Variants in RYR1 observed in about 807,000 individuals in gnomAD.
The protein encoded by RYR1 is ryanodine receptor 1.
A neutral mutation model predicts 583.5 loss-of-function variants in RYR1; 342 were observed. The observed-to-expected ratio is 0.59, with a 90% CI of 0.54 to 0.64. The LOEUF (loss-of-function observed/expected upper bound fraction) is 0.64. Among genes scored for constraint, RYR1 ranks in the 30% least tolerant of loss-of-function variants. The probability of loss-of-function intolerance (pLI) is 0.00; values close to 1 mark genes in which losing one functional copy is unlikely to be tolerated. For synonymous variants in RYR1, 2,791 were observed against 2,822.5 expected (o/e 0.99, Z 0.35); for missense variants, 6,032 against 6,917.2 (o/e 0.87, Z 4.54).
chr19:38,577,008 C>T (rs1973985154), intron 97 of RYR1, among the ~76,000 whole-genome samples: 1 of 152,054 alleles, frequency 6.6e-6, no homozygotes, highest in South Asian at 2.1e-4. Flanking sequence ...GCCTCAGCCT[C>T]CCGAGTAGCT....
At chr19:38,463,669 G>T (rs917346720) in intron 21 of RYR1, 78 bp from the exon 22 acceptor site, 12 of 1,501,502 alleles carry the variant, frequency 8.0e-6, no homozygotes, top group Non-Finnish European at 1.1e-5. Context: ...AGGGTTGGAG[G>T]TCAGGGGTCA....
At chr19:38,464,911 G>A (rs1600707050) in intron 23 of RYR1, among the ~76,000 whole-genome samples, 189 bp downstream of exon 23, 1 of 151,984 alleles carries the variant, frequency 6.6e-6, no homozygotes, top group African/African-American at 2.4e-5. Flanking sequence ...GAGGAGTTAG[G>A]AGTTTCAGAG....
Position 38,561,472 on chromosome 19 carries a change from C to T in RYR1, c.12624+18C>T, listed in dbSNP as rs1463812411. On this transcript the variant is annotated intron_variant, in intron 90 of 105. Coordinates refer to ENST00000359596, the MANE Select transcript of RYR1 (RefSeq NM_000540.3). This position sits in a 1 kb window ranked among gnomAD's most constrained non-coding sequence, Gnocchi z 4.8. The stretch of plus-strand genomic sequence containing the variant: ...TGCCCCAGGTCAGGGAACCCGCGCG[C>T]GTGCAAGCTCGCCTCCTGGGGCTTC... The T allele has an allele frequency of 1.9e-6, 3 of 1,597,112 alleles. No homozygotes were observed. The highest frequency in any genetic ancestry group is 2.2e-5 in the East Asian group (1 of 44,740).
chr19:38,534,115 A>C (rs1438929444), intron 78 of RYR1, among the ~76,000 whole-genome samples: 2 of 150,816 alleles, frequency 1.3e-5, no homozygotes, highest in Non-Finnish European at 2.9e-5. Flanking sequence ...GGGTTCAAGC[A>C]ATTCTCCTGC....
At chr19:38,529,428 C>G (rs1442895405) in intron 76 of RYR1, among the ~76,000 whole-genome samples, 5 of 151,848 alleles carry the variant, frequency 3.3e-5, no homozygotes, top group Non-Finnish European at 7.4e-5. Context: ...TGCAGTGAGC[C>G]GAGATCATAC....
intron 38 of RYR1, among the ~76,000 whole-genome samples, chr19:38,493,516 G>T (rs112542526): frequency 0.051 from 5,929 of 115,724 alleles, 221 homozygotes; most frequent in African/African-American, 0.15. Flanking sequence ...TTTCTTTTTC[G>T]TTTTTTTTTT....
Position 38,483,343 on chromosome 19 carries a change from C to T in RYR1, c.4761C>T (p.Ala1587=), listed in dbSNP as rs1387909457. ...AMFQSERKNP[A]PQCPPRLEMQ... is the part of the protein sequence containing the mutation. ...TCCAAAGCGAGCGCAAGAACCCGGC[C>T]CCGCAGTGCCCACCGCGGCTGGAGA... Residue 1587 remains alanine (A), a synonymous_variant, in exon 33 of 106, where the codon GCC becomes GCT. Transcript: ENST00000359596. This position sits in a 1 kb window ranked among gnomAD's most constrained non-coding sequence, Gnocchi z 6.3. 1 of 1,560,520 alleles carries T rather than the reference C, an allele frequency of 6.4e-7. No individual in the cohort carries two copies.
chr19:38,564,784 A>C (rs961017559), intron 90 of RYR1, among the ~76,000 whole-genome samples, 175 bp from the exon 91 acceptor site: 10 of 152,140 alleles, frequency 6.6e-5, no homozygotes, highest in African/African-American at 2.4e-4. Context: ...CCAAAGTGCT[A>C]TGATTACAGG....
chr19:38,518,221 A>C (rs905341856), intron 66 of RYR1, among the ~76,000 whole-genome samples: 4 of 151,912 alleles, frequency 2.6e-5, no homozygotes, highest in African/African-American at 9.7e-5. Context: ...GGAAGGAAGG[A>C]AGGAAGAAAT....
At chr19:38,559,924 C>CT (rs571980915) in intron 89 of RYR1, among the ~76,000 whole-genome samples, 9,083 of 140,564 alleles carry the variant, frequency 0.065, 868 homozygotes, top group African/African-American at 0.21. Context: ...GTCATGAAAC[C>CT]TTTTTTTTTT....
chr19:38,518,385 CCTCGT>C (rs1971068562), intron 66 of RYR1, among the ~76,000 whole-genome samples: 1 of 135,960 alleles, frequency 7.4e-6, no homozygotes, highest in Admixed American at 7.7e-5. Context: ...CATGGTGAAA[CCTCGT>C]CTCTATTATT....
At chr19:38,471,795 G>A (rs543725146) in intron 27 of RYR1, among the ~76,000 whole-genome samples, 5 of 151,544 alleles carry the variant, frequency 3.3e-5, no homozygotes, top group Admixed American at 6.6e-5. Context: ...CCAGTTACTC[G>A]GGAGGCTGAG....
At chr19:38,453,929 G>C (rs1025877748) in intron 13 of RYR1, among the ~76,000 whole-genome samples, 2 of 152,148 alleles carry the variant, frequency 1.3e-5, no homozygotes, top group African/African-American at 4.8e-5. Context: ...CAGCTAGTTA[G>C]TGGCAGAGCC....
At chr19:38,560,395 T>A (rs1973073041) in intron 89 of RYR1, among the ~76,000 whole-genome samples, 1 of 146,340 alleles carries the variant, frequency 6.8e-6, no homozygotes. Context: ...AAAATACAAA[T>A]CTGGAAGCAA....
rs145309842 is a variant in RYR1, at chr19:38,514,677, C to T, written c.9473-349C>T. On this transcript the variant is annotated intron_variant, in intron 63 of 105. Coordinates refer to ENST00000359596, the MANE Select transcript of RYR1 (RefSeq NM_000540.3). ...ATTTTTCTGGAGGAAGTACCCCTCA[C>T]TTTCATTATAGAGGGCCATGAGTCC... Among the ~76,000 whole-genome samples the T allele has an allele frequency of 1.3e-3, 204 of 152,242 alleles. 2 individuals carry two copies. The highest frequency in any genetic ancestry group is 4.5e-3 in the African/African-American group (185 of 41,544).
At chr19:38,547,815 G>C (rs1444510407) in intron 88 of RYR1, among the ~76,000 whole-genome samples, 1 of 151,498 alleles carries the variant, frequency 6.6e-6, no homozygotes, top group Non-Finnish European at 1.5e-5. Context: ...CCAGGTTCAA[G>C]CAATTCTCGT....
intron 52 of RYR1, 110 bp downstream of exon 52, chr19:38,505,191 A>G: frequency 8.5e-7 from 1 of 1,179,798 alleles, no homozygotes; most frequent in Middle Eastern, 2.4e-4. Flanking sequence ...AGCCTTCCCT[A>G]AGACCCTTAG....
chr19:38,471,792 C>T (rs1268650476), intron 27 of RYR1, among the ~76,000 whole-genome samples: 4 of 150,812 alleles, frequency 2.7e-5, no homozygotes, highest in Non-Finnish European at 5.9e-5. Flanking sequence ...ATCCCAGTTA[C>T]TCGGGAGGCT....
chr19:38,511,756 G>T, intron 61 of RYR1, 146 bp downstream of exon 61: 1 of 1,026,356 alleles, frequency 9.7e-7, no homozygotes, highest in Non-Finnish European at 1.5e-6. Flanking sequence ...TATCCGGGGG[G>T]TAGGGCAGTG....
Sources: allele counts gnomAD v4.1 joint callset (sites outside exome capture counted in the v4.1 genomes callset), GRCh38; gene constraint gnomAD v4.1.1; non-coding constraint Gnocchi (gnomAD v3.1); transcripts MANE v1.5; gene names NCBI Gene and HGNC (gene_info 2026-07-23, HGNC 2026-07-21).